SYNDIG1L: variants seen among roughly 807,000 people sequenced by gnomAD.
The protein encoded by SYNDIG1L is synapse differentiation-inducing gene protein 1-like.
In SYNDIG1L, 13 loss-of-function variants were observed where a neutral mutation model predicts 20.1. The ratio of observed to expected loss-of-function variants is 0.65; its 90% CI spans 0.42 to 1.03. The LOEUF (loss-of-function observed/expected upper bound fraction) is 1.03, where lower values mean the gene tolerates loss of function less well. SYNDIG1L is among the 50% of genes least tolerant of loss of function. The pLI is 0.00. For missense variants in SYNDIG1L, 294 were observed against 305.1 expected (o/e 0.96, Z 0.27); for synonymous variants, 128 against 129.3 (o/e 0.99, Z 0.07).
chr14:74,471,432 AC>A, the SYNDIG1L span, among the ~76,000 whole-genome samples: 1 of 152,098 alleles, frequency 6.6e-6, no homozygotes, highest in Non-Finnish European at 1.5e-5. Flanking sequence ...CTCCGTCTCT[AC>A]AAAAAAATAC....
chr14:74,426,348 G>A (rs1230230715), upstream of SYNDIG1L, among the ~76,000 whole-genome samples: 2 of 151,834 alleles, frequency 1.3e-5, no homozygotes, highest in Non-Finnish European at 3.0e-5. Flanking sequence ...GGGGCGGGGC[G>A]GGGCGGGAAG....
chr14:74,430,578 G>T (rs540563780), upstream of SYNDIG1L, among the ~76,000 whole-genome samples: 20 of 152,026 alleles, frequency 1.3e-4, no homozygotes, highest in South Asian at 3.9e-3. Context: ...TGGGATTACA[G>T]GTGTGTGCTA....
At chr14:74,476,473 C>G in the SYNDIG1L span, 1 of 1,485,222 alleles carries the variant, frequency 6.7e-7, no homozygotes, top group South Asian at 1.2e-5. Flanking sequence ...GTGAGGGGAG[C>G]CACACTGACA....
rs931858126 is a variant in SYNDIG1L at position 74,406,420 on chromosome 14, T to C, written c.*1115A>G. 3.9e-5 allele frequency: 9 copies of C among 233,366 alleles called. No homozygotes were observed. Among genetic ancestry groups the C allele is most frequent in the African/African-American group, 1.6e-4 (7 of 44,492 alleles). 14.5% of individuals were successfully genotyped at this position (233,366 alleles called of 1,614,324 possible). ...ATCCAAACAGCCTGGAAGCTTCCCA[T>C]GGAAGGTTCCTGCCACATCCCTGCC... On this transcript the variant is annotated 3_prime_UTR_variant, in exon 4 of 4. Transcript: ENST00000331628.
At chr14:74,416,540 G>A (rs377066245) in intron 1 of SYNDIG1L, among the ~76,000 whole-genome samples, 96 of 152,192 alleles carry the variant, frequency 6.3e-4, no homozygotes, top group African/African-American at 1.9e-3. Context: ...AGGCCGAGGC[G>A]GGAGGATCGC....
upstream of SYNDIG1L, among the ~76,000 whole-genome samples, chr14:74,426,751 A>G (rs1312276556): frequency 5.0e-5 from 2 of 39,652 alleles, no homozygotes; most frequent in African/African-American, 1.0e-4. Context: ...TCCCCCTCCA[A>G]TTTTGCAGAC....
intron 1 of SYNDIG1L, among the ~76,000 whole-genome samples, chr14:74,415,537 AT>A (rs1260232680): frequency 2.0e-5 from 3 of 152,120 alleles, no homozygotes; most frequent in Admixed American, 1.3e-4. Flanking sequence ...ATATGAAATA[AT>A]AAAATTTTTT....
the SYNDIG1L span, among the ~76,000 whole-genome samples, chr14:74,468,591 T>C: frequency 1.3e-5 from 2 of 152,074 alleles, no homozygotes; most frequent in Admixed American, 6.5e-5. Flanking sequence ...CAGGCCCAGC[T>C]CTTCCCCCAC....
At chr14:74,408,563 C>CAAAAAA (rs758108537) in intron 2 of SYNDIG1L, among the ~76,000 whole-genome samples, 2 of 66,182 alleles carry the variant, frequency 3.0e-5, no homozygotes, top group African/African-American at 5.1e-5. Flanking sequence ...GACTCCATCT[C>CAAAAAA]AAAAAAAAAA....
the SYNDIG1L span, among the ~76,000 whole-genome samples, chr14:74,452,885 G>T: frequency 6.6e-6 from 1 of 152,070 alleles, no homozygotes; most frequent in Non-Finnish European, 1.5e-5. Context: ...CCATAGAATG[G>T]AATACTACTC....
the SYNDIG1L span, among the ~76,000 whole-genome samples, chr14:74,472,973 G>T: frequency 1.3e-5 from 2 of 152,280 alleles, no homozygotes; most frequent in Admixed American, 6.5e-5. Context: ...ATACACTAGG[G>T]TCGGGACATC....
At position 74,409,334 on chromosome 14, in the gene SYNDIG1L, TTCCTCCTGGTCA is replaced by T; in HGVS notation, c.399_410del (p.Asp133_Glu136del). On this transcript the variant is annotated inframe_deletion, in exon 2 of 4. Transcript: ENST00000331628. The stretch of plus-strand genomic sequence containing the variant: ...TTTAACCTCATGCACTCACCTCCTC[TTCCTCCTGGTCA>T]TCCTCCTGGTCCCGCAGCTCCTCTT... 5.2e-6 allele frequency: 8 copies of T among 1,552,124 alleles called. No individual in the cohort carries two copies. Among genetic ancestry groups the T allele is most frequent in the Non-Finnish European group, 7.0e-6 (8 of 1,147,704 alleles).
Position 74,419,085 on chromosome 14 carries a change from C to G in SYNDIG1L, c.-58+6827G>C, listed in dbSNP as rs556052001. ...CTCATGTCCCCTCTCTCCTTCACTT[C>G]CCATCTCTGTTTGTCAGAAGCTTCA... is the stretch of plus-strand genomic sequence containing the variant. On this transcript the variant is annotated intron_variant, in intron 1 of 3. Coordinates refer to ENST00000331628, the MANE Select transcript of SYNDIG1L (RefSeq NM_001105579.2). Among the ~76,000 whole-genome samples the G allele has an allele frequency of 9.9e-5, 15 of 152,284 alleles. No individual in the cohort carries two copies. The East Asian group carries it at 2.3e-3, about 24-fold the overall frequency.
At chr14:74,451,319 T>G in the SYNDIG1L span, among the ~76,000 whole-genome samples, 3 of 152,184 alleles carry the variant, frequency 2.0e-5, no homozygotes, top group African/African-American at 7.2e-5. Context: ...GGAGAAAGAA[T>G]AGCCTTTTCA....
the SYNDIG1L span, among the ~76,000 whole-genome samples, chr14:74,433,138 C>T: frequency 4.5e-4 from 68 of 152,222 alleles, no homozygotes; most frequent in African/African-American, 1.6e-3. Context: ...ATCTCTAACC[C>T]TTGCCTGAGG....
chr14:74,416,241 G>A (rs1392717866), intron 1 of SYNDIG1L, among the ~76,000 whole-genome samples: 5 of 151,132 alleles, frequency 3.3e-5, no homozygotes, highest in Admixed American at 3.3e-4. Flanking sequence ...CTTGGTTGTG[G>A]TAGTGATTAT....
At chr14:74,453,370 AAAAAAAAAAAAAAAAAAAAAAG>A in the SYNDIG1L span, among the ~76,000 whole-genome samples, 1 of 139,046 alleles carries the variant, frequency 7.2e-6, no homozygotes, top group Non-Finnish European at 1.6e-5. Flanking sequence ...AAAAAAAAAA[AAAAAAAAAAAAAAAAAAAAAAG>A]AAGAAGAAGA....
the SYNDIG1L span, among the ~76,000 whole-genome samples, chr14:74,471,561 G>A: frequency 6.6e-6 from 1 of 151,956 alleles, no homozygotes; most frequent in East Asian, 1.9e-4. Flanking sequence ...TCACACCACT[G>A]CACTGCAGCC....
At chr14:74,433,595 G>C in the SYNDIG1L span, among the ~76,000 whole-genome samples, 1 of 152,194 alleles carries the variant, frequency 6.6e-6, no homozygotes, top group South Asian at 2.1e-4. Context: ...GTGTTGCCCA[G>C]GGTGGTCTTG....
Sources: gnomAD v4.1 joint callset for allele counts (sites outside exome capture counted in the v4.1 genomes callset) on GRCh38, gnomAD v4.1.1 for gene constraint, MANE v1.5 for transcripts, NCBI Gene and HGNC (gene_info 2026-07-23, HGNC 2026-07-21) for gene names.